The following KCNIP1 variants were observed in gnomAD, a reference collection of about 807,000 sequenced individuals.
The protein encoded by KCNIP1 is A-type potassium channel modulatory protein KCNIP1.
Under a neutral mutation model 33.0 loss-of-function variants are expected in KCNIP1, and 18 were observed. The observed-to-expected ratio is 0.55, with a 90% confidence interval of 0.38 to 0.81. KCNIP1 has a LOEUF of 0.81. Among genes scored for constraint, KCNIP1 ranks in the 30% least tolerant of loss-of-function variants. KCNIP1 has a pLI of 0.00. For synonymous variants in KCNIP1, 93 were observed against 98.3 expected (o/e 0.95, Z 0.32); for missense variants, 238 against 271.6 (o/e 0.88, Z 0.87).
chr5:170,563,935 G>A (rs899087941), intron 1 of KCNIP1, among the ~76,000 whole-genome samples: 26 of 152,154 alleles, frequency 1.7e-4, no homozygotes, highest in African/African-American at 6.3e-4. Context: ...ACTGCATCAG[G>A]CGTTTTAAGT....
chr5:170,611,128 G>A (rs1561716713), intron 1 of KCNIP1, among the ~76,000 whole-genome samples: 1 of 152,196 alleles, frequency 6.6e-6, no homozygotes, highest in Non-Finnish European at 1.5e-5. Context: ...TGAGGATCTT[G>A]CAGATATTTT....
rs114811915 is a variant in KCNIP1 at position 170,703,076 on chromosome 5, G to A, written c.62-15682G>A. On this transcript the variant is annotated intron_variant, in intron 1 of 7. Coordinates refer to ENST00000328939, the MANE Select transcript of KCNIP1 (RefSeq NM_014592.4). Reference sequence around the variant, plus strand: ...TAGGTCTGTTCCATTCTCGACACACGTGATATTAGCAGCACGGTACATTTA... The same window carrying A: ...TAGGTCTGTTCCATTCTCGACACACATGATATTAGCAGCACGGTACATTTA... Among the ~76,000 whole-genome samples, 5 of 137,752 alleles carry A rather than the reference G, an allele frequency of 3.6e-5. 1 individual carries two copies. Among genetic ancestry groups the A allele is most frequent in the Non-Finnish European group, 7.6e-5 (5 of 65,684 alleles). The allele number at this position is 137,752 out of a possible 152,430, so 90.4% of individuals were successfully genotyped here.
chr5:170,503,953 T>C, upstream of KCNIP1: 17 of 312,730 alleles, frequency 5.4e-5, no homozygotes, highest in Admixed American at 6.8e-5. Flanking sequence ...CGTGCAGCCC[T>C]CGCCCCCGCC....
At chr5:170,537,009 G>A (rs938682220) in intron 1 of KCNIP1, among the ~76,000 whole-genome samples, 1 of 152,156 alleles carries the variant, frequency 6.6e-6, no homozygotes, top group Non-Finnish European at 1.5e-5. Context: ...ATGTGGCTTT[G>A]CAAAGTGAAA....
At chr5:170,442,208 G>A (rs566936846) in intron 1 of KCNIP1, among the ~76,000 whole-genome samples, 6 of 152,204 alleles carry the variant, frequency 3.9e-5, no homozygotes, top group South Asian at 4.1e-4. Context: ...AGGAGACAGC[G>A]TTGCAAAGAC....
chr5:170,566,887 G>A (rs894487379), intron 1 of KCNIP1, among the ~76,000 whole-genome samples: 1 of 152,230 alleles, frequency 6.6e-6, no homozygotes, highest in African/African-American at 2.4e-5. Context: ...TTAGGAAGAA[G>A]GAAGATATGG....
At position 170,548,452 on chromosome 5, in the gene KCNIP1, G is replaced by A. The variant is rs192977682; in HGVS notation, c.61+43819G>A. Among the ~76,000 whole-genome samples the A allele has an allele frequency of 2.2e-3, 339 of 152,198 alleles. 1 individual carries two copies. Among genetic ancestry groups the A allele is most frequent in the Non-Finnish European group, 3.2e-3 (220 of 68,008 alleles). ...GAATGAATTAAAATTTCACTTCTCC[G>A]GAAAGTACTGTGTTTGCACCTTTTA... On this transcript the variant is annotated intron_variant, in intron 1 of 7. Coordinates refer to ENST00000328939, the MANE Select transcript of KCNIP1 (RefSeq NM_014592.4).
intron 1 of KCNIP1, among the ~76,000 whole-genome samples, chr5:170,433,479 AC>A (rs1370129377): frequency 6.6e-6 from 1 of 152,202 alleles, no homozygotes; most frequent in Non-Finnish European, 1.5e-5. Context: ...GAGCCACTGT[AC>A]CTGGCTGGTA....
At chr5:170,462,265 A>AG (rs1491374023) in intron 1 of KCNIP1, among the ~76,000 whole-genome samples, 2 of 46,220 alleles carry the variant, frequency 4.3e-5, no homozygotes, top group African/African-American at 2.0e-4. Context: ...ACAAATTAGC[A>AG]AAAAAAAAAA....
intron 1 of KCNIP1, among the ~76,000 whole-genome samples, chr5:170,641,877 A>T (rs1004427939): frequency 2.0e-5 from 3 of 152,084 alleles, no homozygotes; most frequent in African/African-American, 7.2e-5. Context: ...TCCTGCCTGG[A>T]TGCTCAGAAG....
rs976396296 is a variant in KCNIP1 at position 170,649,295 on chromosome 5, A to G, written c.62-69463A>G. Among the ~76,000 whole-genome samples, 9 of 152,234 alleles carry G rather than the reference A, an allele frequency of 5.9e-5. No homozygotes were observed. The South Asian group carries it at 1.9e-3, about 32-fold the overall frequency. On this transcript the variant is annotated intron_variant, in intron 1 of 7. Transcript: ENST00000328939. The stretch of plus-strand genomic sequence containing the variant: ...TGAATGAATAAACTCATTTTATGCA[A>G]AATGAAAATAAAAATAGATATGGGA...
intron 1 of KCNIP1, among the ~76,000 whole-genome samples, chr5:170,361,760 C>T (rs1269808569): frequency 2.0e-5 from 3 of 152,180 alleles, no homozygotes; most frequent in African/African-American, 4.8e-5. Context: ...TGTATTCTGA[C>T]GTGGAGGAAA....
intron 1 of KCNIP1, chr5:170,483,003 A>G: frequency 2.3e-6 from 1 of 436,126 alleles, no homozygotes; most frequent in South Asian, 1.7e-5. Flanking sequence ...CCTAAATTTT[A>G]AATTAAAGTA....
At chr5:170,641,845 G>T (rs1760575806) in intron 1 of KCNIP1, among the ~76,000 whole-genome samples, 1 of 152,194 alleles carries the variant, frequency 6.6e-6, no homozygotes, top group Non-Finnish European at 1.5e-5. Flanking sequence ...GGAGTGCAGG[G>T]AGCTTCCCGG....
intron 1 of KCNIP1, among the ~76,000 whole-genome samples, chr5:170,398,740 G>A (rs1581153313): frequency 1.3e-5 from 2 of 152,234 alleles, no homozygotes; most frequent in South Asian, 2.1e-4. Context: ...ACCGGCTCCA[G>A]GGGCTGAATG....
chr5:170,434,135 T>A (rs538251568), intron 1 of KCNIP1, among the ~76,000 whole-genome samples: 1 of 152,334 alleles, frequency 6.6e-6, no homozygotes, highest in South Asian at 2.1e-4. Flanking sequence ...CCCCAAACTA[T>A]CTGTGGAACT....
intron 1 of KCNIP1, among the ~76,000 whole-genome samples, chr5:170,551,662 G>A (rs764402965): frequency 1.9e-4 from 24 of 126,156 alleles, no homozygotes; most frequent in Non-Finnish European, 3.6e-4. Context: ...TTGAGTGACT[G>A]TGAGTGGTTG....
At chr5:170,643,703 C>T (rs1760669831) in intron 1 of KCNIP1, among the ~76,000 whole-genome samples, 1 of 152,240 alleles carries the variant, frequency 6.6e-6, no homozygotes, top group South Asian at 2.1e-4. Context: ...AGTATGTGGC[C>T]TCTGTGTCTT....
rs61093543 is a variant in KCNIP1 at position 170,480,462 on chromosome 5, C to A, written c.88+126498C>A. Among the ~76,000 whole-genome samples the A allele has an allele frequency of 2.7e-3, 397 of 149,250 alleles. 1 individual carries two copies. Among genetic ancestry groups the A allele is most frequent in the African/African-American group, 9.1e-3 (374 of 41,026 alleles). ...TGTTTCCTAAAGTGCGCTTCATCTC[C>A]TAGGAGACTAGGGATTTTTTTTTTT... is the stretch of plus-strand genomic sequence containing the variant. On this transcript the variant is annotated intron_variant, in intron 1 of 7. Coordinates refer to the KCNIP1 transcript ENST00000377360.
Sources: gnomAD v4.1 joint callset for allele counts (sites outside exome capture counted in the v4.1 genomes callset) on GRCh38, gnomAD v4.1.1 for gene constraint, MANE v1.5 for transcripts, NCBI Gene and HGNC (gene_info 2026-07-23, HGNC 2026-07-21) for gene names.